Variants in LRBA observed in about 807,000 individuals in gnomAD.
The protein encoded by LRBA is lipopolysaccharide-responsive and beige-like anchor protein.
LRBA carries 176 observed loss-of-function variants against 330.0 expected under a neutral mutation model. The ratio of observed to expected loss-of-function variants is 0.53; its 90% CI spans 0.47 to 0.60. LRBA has a LOEUF of 0.60. Ranked by LOEUF, LRBA falls within the 20% of genes least tolerant of loss-of-function variation. LRBA has a pLI of 0.00. For synonymous variants in LRBA, 1,230 were observed against 1,193.0 expected (o/e 1.03, Z -0.64); for missense variants, 3,259 against 3,444.8 (o/e 0.95, Z 1.35).
intron 40 of LRBA, among the ~76,000 whole-genome samples, chr4:150,555,642 T>C (rs1328727854): frequency 4.6e-5 from 7 of 151,884 alleles, no homozygotes; most frequent in Admixed American, 4.6e-4. Flanking sequence ...TCTCAGCTAC[T>C]TGGGAGGCTA....
At chr4:150,803,088 A>C in intron 33 of LRBA, among the ~76,000 whole-genome samples, 1 of 122,460 alleles carries the variant, frequency 8.2e-6, no homozygotes, top group African/African-American at 4.2e-5. Context: ...ATATATACAC[A>C]CACACACACA....
intron 36 of LRBA, among the ~76,000 whole-genome samples, chr4:150,708,153 C>A (rs2127023594): frequency 1.3e-5 from 1 of 78,700 alleles, no homozygotes. Flanking sequence ...CATTAAGAAT[C>A]CTATTAGAAA....
intron 21 of LRBA, 28 bp downstream of exon 21, chr4:150,868,154 C>T: frequency 3.2e-6 from 5 of 1,582,982 alleles, no homozygotes; most frequent in Non-Finnish European, 4.3e-6. Context: ...TTGAATACTG[C>T]AAATAAATGC....
intron 37 of LRBA, among the ~76,000 whole-genome samples, chr4:150,624,815 G>A (rs1166623766): frequency 6.6e-6 from 1 of 152,018 alleles, no homozygotes; most frequent in African/African-American, 2.4e-5. Flanking sequence ...ACATAAATAT[G>A]TACAACTTTT....
intron 37 of LRBA, among the ~76,000 whole-genome samples, chr4:150,616,176 C>G (rs994754573): frequency 6.6e-6 from 1 of 152,076 alleles, no homozygotes; most frequent in African/African-American, 2.4e-5. Flanking sequence ...AGGAAAGAAC[C>G]TGACAGGATA....
intron 53 of LRBA, among the ~76,000 whole-genome samples, chr4:150,300,918 T>G (rs888381178): frequency 6.6e-6 from 1 of 152,000 alleles, no homozygotes; most frequent in African/African-American, 2.4e-5. Context: ...ATAGAGAACA[T>G]GATTAAGTAA....
rs80304528 is a variant in LRBA at position 150,672,772 on chromosome 4, C to T, written c.5921+10779G>A. On this transcript the variant is annotated intron_variant, in intron 37 of 56. Transcript: ENST00000651943. ...CAACAATCTGTTAAATTCTAAGCTACGTGAGGACAGTATCCAAGTCTGTCT... is the reference window on the plus strand; with the variant it reads ...CAACAATCTGTTAAATTCTAAGCTATGTGAGGACAGTATCCAAGTCTGTCT... Among the ~76,000 whole-genome samples the T allele has an allele frequency of 8.2e-3, 1,250 of 152,170 alleles. 12 individuals are homozygous for T. Among genetic ancestry groups the T allele is most frequent in the African/African-American group, 0.029 (1,185 of 41,518 alleles).
intron 47 of LRBA, among the ~76,000 whole-genome samples, chr4:150,390,957 T>C (rs1304182476): frequency 1.3e-5 from 2 of 152,192 alleles, no homozygotes; most frequent in Non-Finnish European, 2.9e-5. Context: ...ATTTACCTCC[T>C]TCTTCCTTTT....
intron 40 of LRBA, among the ~76,000 whole-genome samples, chr4:150,587,124 G>C (rs1427385439): frequency 6.6e-6 from 1 of 152,092 alleles, no homozygotes; most frequent in Non-Finnish European, 1.5e-5. Context: ...TGTGAGACAT[G>C]ATTTGTTTGT....
At chr4:150,732,952 G>C (rs982917929) in intron 36 of LRBA, among the ~76,000 whole-genome samples, 29 of 152,110 alleles carry the variant, frequency 1.9e-4, no homozygotes, top group African/African-American at 7.0e-4. Context: ...GGAGAGGCAA[G>C]TATATCCCAT....
chr4:150,439,473 A>G (rs1210681368), intron 44 of LRBA, among the ~76,000 whole-genome samples: 1 of 152,132 alleles, frequency 6.6e-6, no homozygotes. Context: ...TTGCAAGCAT[A>G]TAAAAAAGAA....
At chr4:150,331,116 C>T (rs575255435) in intron 48 of LRBA, among the ~76,000 whole-genome samples, 7 of 152,226 alleles carry the variant, frequency 4.6e-5, no homozygotes, top group African/African-American at 1.2e-4. Context: ...TCCATTGTCT[C>T]ACTATAGTAG....
At chr4:150,518,150 C>T (rs919598430) in intron 40 of LRBA, among the ~76,000 whole-genome samples, 10 of 152,182 alleles carry the variant, frequency 6.6e-5, no homozygotes, top group African/African-American at 1.9e-4. Flanking sequence ...GCCAACATCA[C>T]TACTTTTGAA....
At chr4:151,010,698 A>C (rs1360211334) in intron 2 of LRBA, among the ~76,000 whole-genome samples, 1 of 151,996 alleles carries the variant, frequency 6.6e-6, no homozygotes, top group Admixed American at 6.6e-5. Context: ...CCTGGCCAAC[A>C]TGGTGAAACC....
At chr4:150,336,409 T>C (rs1372348444) in intron 48 of LRBA, among the ~76,000 whole-genome samples, 1 of 152,188 alleles carries the variant, frequency 6.6e-6, no homozygotes, top group Non-Finnish European at 1.5e-5. Context: ...CTTGTTTAAG[T>C]AAATAATGTG....
At chr4:150,799,960 G>C (rs1741361700) in intron 33 of LRBA, among the ~76,000 whole-genome samples, 1 of 152,126 alleles carries the variant, frequency 6.6e-6, no homozygotes, top group Non-Finnish European at 1.5e-5. Context: ...GGCCACGCTG[G>C]TCTCGAACTC....
chr4:150,908,233 T>A, intron 11 of LRBA, 101 bp downstream of exon 11: 1 of 1,168,792 alleles, frequency 8.6e-7, no homozygotes, highest in South Asian at 1.5e-5. Flanking sequence ...AAGTTTAAAT[T>A]ATTTTGACAC....
chr4:150,303,256 A>G (rs1451156694), intron 52 of LRBA, among the ~76,000 whole-genome samples: 1 of 152,244 alleles, frequency 6.6e-6, no homozygotes, highest in Non-Finnish European at 1.5e-5. Context: ...CTGAAGATTT[A>G]ATGTATTTCT....
intron 37 of LRBA, among the ~76,000 whole-genome samples, chr4:150,682,428 G>A (rs1393414681): frequency 1.3e-5 from 2 of 152,136 alleles, no homozygotes; most frequent in Non-Finnish European, 2.9e-5. Flanking sequence ...CCTGTTGGCT[G>A]TCCTTTTGAT....
Sources: gnomAD v4.1 joint callset for allele counts (sites outside exome capture counted in the v4.1 genomes callset) on GRCh38, gnomAD v4.1.1 for gene constraint, MANE v1.5 for transcripts, NCBI Gene and HGNC (gene_info 2026-07-23, HGNC 2026-07-21) for gene names.